Variants in FCGR2B observed in about 807,000 individuals in gnomAD.
The protein encoded by FCGR2B is Fc gamma receptor IIb, also known as low affinity immunoglobulin gamma Fc region receptor II-b.
A neutral mutation model predicts 24.8 loss-of-function variants in FCGR2B; 18 were observed. The observed-to-expected ratio is 0.73, with a 90% CI of 0.50 to 1.08. FCGR2B has a LOEUF of 1.08. FCGR2B is among the 50% of genes least tolerant of loss of function. FCGR2B has a pLI of 0.00. For synonymous variants in FCGR2B, 79 were observed against 109.8 expected, an observed-to-expected ratio of 0.72 and a Z score of 1.75; for missense variants, 215 against 297.6, an observed-to-expected ratio of 0.72 and a Z score of 2.04.
chr1:161,650,355 A>G, the FCGR2B span, among the ~76,000 whole-genome samples: 32 of 145,690 alleles, frequency 2.2e-4, 4 homozygotes, highest in South Asian at 2.4e-3. Context: ...TATATATGAT[A>G]AATATATTAA....
the FCGR2B span, among the ~76,000 whole-genome samples, chr1:161,650,824 A>G: frequency 9.7e-5 from 11 of 113,864 alleles, no homozygotes; most frequent in African/African-American, 3.1e-4. Context: ...TGTCAAGTTT[A>G]CAAGTATTAA....
At chr1:161,648,704 T>C in the FCGR2B span, among the ~76,000 whole-genome samples, 2 of 151,086 alleles carry the variant, frequency 1.3e-5, no homozygotes, top group African/African-American at 4.9e-5. Context: ...TCTTTCTTTT[T>C]TTTGAGGCAG....
the FCGR2B span, among the ~76,000 whole-genome samples, chr1:161,650,479 G>A: frequency 2.1e-5 from 3 of 145,380 alleles, 1 homozygote; most frequent in Non-Finnish European, 4.5e-5. Flanking sequence ...GACACAGGGG[G>A]CCAGATAATT....
chr1:161,647,622 T>C, the FCGR2B span, among the ~76,000 whole-genome samples: 101 of 150,718 alleles, frequency 6.7e-4, 3 homozygotes, highest in African/African-American at 2.2e-3. Context: ...GACTCTTAAT[T>C]TCACTCCCCT....
chr1:161,669,458 C>T (rs1335674196), intron 1 of FCGR2B, among the ~76,000 whole-genome samples: 1 of 140,092 alleles, frequency 7.1e-6, no homozygotes, highest in Admixed American at 7.4e-5. Flanking sequence ...GTAATCCCAG[C>T]TCTTGGGAGG....
intron 6 of FCGR2B, chr1:161,675,519 A>G (rs1260274182): frequency 4.3e-6 from 2 of 467,956 alleles, no homozygotes; most frequent in African/African-American, 4.1e-5. Flanking sequence ...GAGAAGAGAA[A>G]CACCAGTCCC....
At chr1:161,675,434 A>G (rs1243064159) in intron 6 of FCGR2B, 121 bp downstream of exon 6, 38 of 653,696 alleles carry the variant, frequency 5.8e-5, no homozygotes, top group African/African-American at 1.5e-4. Flanking sequence ...CAGCAGTGGG[A>G]GGATGGCTGG....
chr1:161,648,775 T>C, the FCGR2B span, among the ~76,000 whole-genome samples: 2 of 150,796 alleles, frequency 1.3e-5, no homozygotes, highest in Non-Finnish European at 2.9e-5. Context: ...TTGTAACCTC[T>C]ATGTTCCAGG....
Position 161,674,491 on chromosome 1 carries a change from G to A in FCGR2B, c.760+418G>A, listed in dbSNP as rs143838686. The A allele has an allele frequency of 7.4e-3, 2,282 of 306,710 alleles. 51 individuals carry two copies. The highest frequency in any genetic ancestry group is 0.047 in the African/African-American group (2,161 of 46,380). The allele number at this position is 306,710 out of a possible 1,614,324, so 19.0% of individuals were successfully genotyped here. ...GAGAGCAGTGTAGTGTAGTGATGGA[G>A]TGCACATAGTGGGGCCAGACTGCCT... On this transcript the variant is annotated intron_variant, in intron 5 of 7. Transcript: ENST00000358671.
chr1:161,677,019 C>T (rs564978225), intron 6 of FCGR2B: 3 of 441,182 alleles, frequency 6.8e-6, no homozygotes, highest in African/African-American at 4.2e-5. Flanking sequence ...CACCTCTTCC[C>T]CAATATCTCA....
chr1:161,675,373 G>C (rs12046492), intron 6 of FCGR2B, 60 bp downstream of exon 6: 292 of 1,263,006 alleles, frequency 2.3e-4, no homozygotes, highest in Middle Eastern at 2.3e-4. Context: ...GGCTGGACTG[G>C]AGCCAGGGAG....
chr1:161,656,143 C>T, the FCGR2B span, among the ~76,000 whole-genome samples: 1 of 128,646 alleles, frequency 7.8e-6, no homozygotes, highest in East Asian at 2.0e-4. Context: ...AGGCATCAGG[C>T]GTCGTGCCCA....
rs1440114985 is a variant in FCGR2B at position 161,677,949 on chromosome 1, A to G, written c.*396A>G. On this transcript the variant is annotated 3_prime_UTR_variant, in exon 8 of 8. Transcript: ENST00000358671. ...AAAATAGACTAACCTCTACCAGCAC[A>G]TTAAAAGTGATTGTTTCTGGGTGAT... is the stretch of plus-strand genomic sequence containing the variant. The G allele has an allele frequency of 4.2e-6, 1 of 235,558 alleles. No individual in the cohort carries two copies. Among genetic ancestry groups the G allele is most frequent in the African/African-American group, 2.2e-5 (1 of 45,322 alleles). The allele number at this position is 235,558 out of a possible 1,614,324, so 14.6% of individuals were successfully genotyped here.
upstream of FCGR2B, among the ~76,000 whole-genome samples, chr1:161,661,239 AAAGAAAGAAAGAAAGAAAGAAAGG>A (rs1217272271): frequency 0.036 from 3,082 of 84,568 alleles, 225 homozygotes; most frequent in African/African-American, 0.057. Context: ...AGAAAGAAAG[AAAGAAAGAAAGAAAGAAAGAAAGG>A]AAGGAAGCAA....
intron 3 of FCGR2B, 157 bp downstream of exon 3, chr1:161,671,806 T>C (rs1615017): frequency 4.0e-5 from 57 of 1,420,572 alleles, no homozygotes; most frequent in South Asian, 3.5e-4. Flanking sequence ...TTGCCTCAGT[T>C]CTGATTGAAC....
the FCGR2B span, among the ~76,000 whole-genome samples, chr1:161,649,384 A>C: frequency 6.6e-6 from 1 of 151,008 alleles, no homozygotes. Flanking sequence ...AGAGGGCTGA[A>C]AATTTCTTGA....
At position 161,678,012 on chromosome 1, in the gene FCGR2B, T is replaced by A. The variant is rs1269903698; in HGVS notation, c.*459T>A. The A allele has an allele frequency of 1.4e-5, 3 of 218,816 alleles. No homozygotes were observed. The highest frequency in any genetic ancestry group is 1.2e-4 in the Admixed American group (2 of 17,294). The allele number at this position is 218,816 out of a possible 1,614,324, so 13.6% of individuals were successfully genotyped here. On this transcript the variant is annotated 3_prime_UTR_variant, in exon 8 of 8. Transcript: ENST00000358671. The stretch of plus-strand genomic sequence containing the variant: ...GATTTTTATTTTCTTTATTTTTCTA[T>A]AAAGATCATATATTACTTTTATAAT...
chr1:161,649,521 A>G, the FCGR2B span, among the ~76,000 whole-genome samples: 1 of 151,100 alleles, frequency 6.6e-6, no homozygotes, highest in East Asian at 1.9e-4. Flanking sequence ...ACATCTTTTC[A>G]TGAACAATTG....
chr1:161,671,347 C>T (rs1439008728), intron 2 of FCGR2B, 45 bp from the exon 3 acceptor site: 28 of 1,613,834 alleles, frequency 1.7e-5, no homozygotes, highest in Admixed American at 3.3e-5. Flanking sequence ...TCTCAAGCTC[C>T]TGGGCTTCCT....
Sources: gnomAD v4.1 joint callset for allele counts (sites outside exome capture counted in the v4.1 genomes callset) on GRCh38, gnomAD v4.1.1 for gene constraint, MANE v1.5 for transcripts, NCBI Gene and HGNC (gene_info 2026-07-23, HGNC 2026-07-21) for gene names.